Variants in WWOX observed in about 807,000 individuals in gnomAD.
WWOX encodes the protein WW domain-containing oxidoreductase.
In WWOX, 69 loss-of-function variants were observed where a neutral mutation model predicts 46.2. That is an observed-to-expected ratio of 1.49 (90% confidence interval 1.23 to 1.82). WWOX has a LOEUF of 1.82. Among genes scored for constraint, WWOX ranks in the 40% most tolerant of loss-of-function variants. The pLI, the probability that WWOX is intolerant of heterozygous loss-of-function variation, is 0.00. For synonymous variants in WWOX, 359 were observed against 202.6 expected, an observed-to-expected ratio of 1.77 and a Z score of -6.56; for missense variants, 919 against 542.6, an observed-to-expected ratio of 1.69 and a Z score of -6.89.
chr16:78,385,369 A>G (rs776297841), intron 5 of WWOX, among the ~76,000 whole-genome samples: 3 of 152,234 alleles, frequency 2.0e-5, no homozygotes, highest in Non-Finnish European at 2.9e-5. Flanking sequence ...CTTCTCTGCT[A>G]GTTAAATTAA....
chr16:78,129,715 T>C (rs1049105379), intron 4 of WWOX, among the ~76,000 whole-genome samples: 3 of 152,108 alleles, frequency 2.0e-5, no homozygotes, highest in Non-Finnish European at 4.4e-5. Flanking sequence ...TTTTCTTTTT[T>C]TTTTTGTCAG....
intron 8 of WWOX, among the ~76,000 whole-genome samples, chr16:78,687,867 T>C (rs979858930): frequency 5.9e-5 from 9 of 152,164 alleles, no homozygotes; most frequent in African/African-American, 2.4e-5. Flanking sequence ...TTAGAACAGA[T>C]TAAAAATTAG....
chr16:78,634,282 T>A (rs1460583502), intron 8 of WWOX, among the ~76,000 whole-genome samples: 2 of 152,192 alleles, frequency 1.3e-5, no homozygotes, highest in Non-Finnish European at 2.9e-5. Context: ...TATAAATGGA[T>A]GCTGAAATGT....
At position 78,725,339 on chromosome 16, in the gene WWOX, C is replaced by CTTT. The variant is rs921746316; in HGVS notation, c.1056+292589_1056+292591dup. On this transcript the variant is annotated intron_variant, in intron 8 of 8. Coordinates refer to ENST00000566780, the MANE Select transcript of WWOX (RefSeq NM_016373.4). ...TTTTTTTCCTTTTTTCTTTTCTTTTCTTTTCTTTTTTTTTTTTTTTTTTTT... is the reference window on the plus strand; with the variant it reads ...TTTTTTTCCTTTTTTCTTTTCTTTTCTTTTTTTCTTTTTTTTTTTTTTTTTTTT... 3.8e-3 allele frequency among the ~76,000 whole-genome samples: 327 copies of CTTT among 86,668 alleles called. 7 individuals are homozygous for CTTT. The highest frequency in any genetic ancestry group is 5.2e-3 in the African/African-American group (106 of 20,494). 56.9% of individuals were successfully genotyped at this position (86,668 alleles called of 152,430 possible).
At chr16:78,530,870 G>T (rs780100527) in intron 8 of WWOX, among the ~76,000 whole-genome samples, 30 of 152,168 alleles carry the variant, frequency 2.0e-4, no homozygotes, top group Admixed American at 2.6e-4. Context: ...TAATCCAGGA[G>T]CTGTGCTAAA....
At position 79,104,162 on chromosome 16, in the gene WWOX, T is replaced by A. The variant is rs182220593; in HGVS notation, c.1057-107446T>A. Among the ~76,000 whole-genome samples the A allele has an allele frequency of 2.1e-3, 318 of 151,174 alleles. 2 individuals are homozygous for A. Among genetic ancestry groups the A allele is most frequent in the African/African-American group, 7.1e-3 (293 of 41,284 alleles). ...TCAAAAAGATTCACAACCCCACAAATAGGTGAACTACTCTAAAGCAATGGT... is the reference window on the plus strand; with the variant it reads ...TCAAAAAGATTCACAACCCCACAAAAAGGTGAACTACTCTAAAGCAATGGT... On this transcript the variant is annotated intron_variant, in intron 8 of 8. Transcript: ENST00000566780.
At position 79,211,924 on chromosome 16, in the gene WWOX, T is replaced by C; in HGVS notation, c.*128T>C. ...GCAAGAGTAAAGGAAATAAGAGCAG[T>C]CACAACAGAGTGAAAAATCTTAAGT... On this transcript the variant is annotated 3_prime_UTR_variant, in exon 9 of 9. Coordinates refer to ENST00000566780, the MANE Select transcript of WWOX (RefSeq NM_016373.4). 6.5e-7 allele frequency: 1 copy of C among 1,540,012 alleles called. No homozygotes were observed. The highest frequency in any genetic ancestry group is 2.4e-5 in the East Asian group (1 of 41,006).
intron 6 of WWOX, among the ~76,000 whole-genome samples, chr16:78,406,659 C>G (rs144603609): frequency 5.7e-5 from 8 of 140,376 alleles, no homozygotes; most frequent in African/African-American, 1.9e-4. Context: ...TGGAGTGTCA[C>G]TCTGTTGCCG....
chr16:79,168,252 G>C (rs1033744704), intron 8 of WWOX, among the ~76,000 whole-genome samples: 5 of 152,126 alleles, frequency 3.3e-5, no homozygotes, highest in Non-Finnish European at 7.4e-5. Flanking sequence ...CTTAGGGGTG[G>C]AATTGCTGGG....
At chr16:79,185,585 A>G (rs1477453352) in intron 8 of WWOX, among the ~76,000 whole-genome samples, 1 of 152,170 alleles carries the variant, frequency 6.6e-6, no homozygotes, top group Non-Finnish European at 1.5e-5. Context: ...TCTCATGTCA[A>G]AGACAGGCGC....
chr16:78,314,550 G>A (rs2080316376), intron 5 of WWOX, among the ~76,000 whole-genome samples: 1 of 144,566 alleles, frequency 6.9e-6, no homozygotes, highest in Non-Finnish European at 1.5e-5. Context: ...TTGAGTCGGA[G>A]TTTTGCTCTT....
chr16:79,179,452 G>A (rs1208479338), intron 8 of WWOX, among the ~76,000 whole-genome samples: 1 of 152,172 alleles, frequency 6.6e-6, no homozygotes, highest in Non-Finnish European at 1.5e-5. Flanking sequence ...AGTATGTGAC[G>A]CCTGGCAGCT....
intron 8 of WWOX, among the ~76,000 whole-genome samples, chr16:79,137,756 C>G (rs2050010826): frequency 1.3e-5 from 2 of 152,214 alleles, no homozygotes; most frequent in South Asian, 4.2e-4. Flanking sequence ...AGCCTGGCCT[C>G]TGTCCCCTCT....
intron 8 of WWOX, among the ~76,000 whole-genome samples, chr16:79,107,060 C>G (rs1162367294): frequency 6.6e-6 from 1 of 152,080 alleles, no homozygotes; most frequent in African/African-American, 2.4e-5. Flanking sequence ...ATGCACCCAC[C>G]TTGGTCTCCC....
chr16:78,176,892 T>G (rs2035365303), intron 5 of WWOX, among the ~76,000 whole-genome samples: 2 of 152,190 alleles, frequency 1.3e-5, no homozygotes, highest in Non-Finnish European at 2.9e-5. Flanking sequence ...CCGTGGTGTT[T>G]CATTGATTAA....
chr16:78,468,995 A>T (rs1198713299), intron 8 of WWOX, among the ~76,000 whole-genome samples: 1 of 152,230 alleles, frequency 6.6e-6, no homozygotes, highest in Non-Finnish European at 1.5e-5. Flanking sequence ...GACTTGACTT[A>T]GCTATCTTTC....
At chr16:78,942,723 C>G (rs2045876429) in intron 8 of WWOX, among the ~76,000 whole-genome samples, 1 of 152,118 alleles carries the variant, frequency 6.6e-6, no homozygotes, top group Non-Finnish European at 1.5e-5. Flanking sequence ...ATGGTCATCG[C>G]AAGACATAGG....
intron 8 of WWOX, among the ~76,000 whole-genome samples, chr16:79,153,953 C>T (rs530062593): frequency 7.1e-6 from 1 of 140,476 alleles, no homozygotes; most frequent in Non-Finnish European, 1.5e-5. Context: ...ATTTCTTGTC[C>T]TGCCTCCCGT....
At chr16:79,070,011 C>T (rs1460584636) in intron 8 of WWOX, among the ~76,000 whole-genome samples, 1 of 152,174 alleles carries the variant, frequency 6.6e-6, no homozygotes, top group Non-Finnish European at 1.5e-5. Context: ...GAAACATCTT[C>T]TGTGAAAAAC....
Sources: allele counts gnomAD v4.1 joint callset (sites outside exome capture counted in the v4.1 genomes callset), GRCh38; gene constraint gnomAD v4.1.1; transcripts MANE v1.5; gene names NCBI Gene and HGNC (gene_info 2026-07-23, HGNC 2026-07-21).